RANBP17: variants seen among roughly 807,000 people sequenced by gnomAD.
The protein encoded by RANBP17 is ran-binding protein 17.
RANBP17 carries 158 observed loss-of-function variants against 141.2 expected under a neutral mutation model. The ratio of observed to expected loss-of-function variants is 1.12; its 90% CI spans 0.98 to 1.28. The LOEUF is 1.28. RANBP17 is among the 50% of genes most tolerant of loss of function. RANBP17 has a pLI of 0.00. For missense variants in RANBP17, 1,438 were observed against 1,290.7 expected (o/e 1.11, Z -1.75); for synonymous variants, 430 against 450.0 (o/e 0.96, Z 0.56).
intron 14 of RANBP17, among the ~76,000 whole-genome samples, chr5:171,002,211 G>T (rs1447473449): frequency 6.6e-6 from 1 of 152,146 alleles, no homozygotes; most frequent in Non-Finnish European, 1.5e-5. Flanking sequence ...AGGCTGGAAG[G>T]AGATATTTTC....
chr5:170,903,234 G>A (rs1420265374), intron 5 of RANBP17, among the ~76,000 whole-genome samples: 1 of 152,234 alleles, frequency 6.6e-6, no homozygotes, highest in East Asian at 1.9e-4. Flanking sequence ...TCTGGCTACC[G>A]TGGTGGGCTC....
intron 14 of RANBP17, among the ~76,000 whole-genome samples, chr5:171,074,334 C>A (rs1351426712): frequency 6.6e-6 from 1 of 152,018 alleles, no homozygotes; most frequent in Admixed American, 6.6e-5. Flanking sequence ...AAGGAAAAGT[C>A]TGAAAAGCTA....
intron 25 of RANBP17, among the ~76,000 whole-genome samples, chr5:171,266,165 C>T (rs1388274572): frequency 6.6e-6 from 1 of 152,132 alleles, no homozygotes; most frequent in East Asian, 1.9e-4. Context: ...GATTTCTCTC[C>T]TGGTGACTCT....
chr5:171,270,215 CA>C (rs1327164710), intron 25 of RANBP17, among the ~76,000 whole-genome samples: 1 of 152,130 alleles, frequency 6.6e-6, no homozygotes, highest in Non-Finnish European at 1.5e-5. Context: ...TTTAGAGCTT[CA>C]AAATTTTTAA....
rs375614280 is a variant in RANBP17, at chr5:171,288,617, C to A, written c.2944-5266C>A. 1.3e-3 allele frequency among the ~76,000 whole-genome samples: 200 copies of A among 152,314 alleles called. 9 individuals are homozygous for A. The South Asian group carries it at 0.04, about 30-fold the overall frequency. On this transcript the variant is annotated intron_variant, in intron 25 of 27. Coordinates refer to ENST00000523189, the MANE Select transcript of RANBP17 (RefSeq NM_022897.5). Reference sequence around the variant, plus strand: ...ATTTATTTGCCCAGAACCTCAGATCCTTAGTCTATAAAACGGGAATAATAT... The same window carrying A: ...ATTTATTTGCCCAGAACCTCAGATCATTAGTCTATAAAACGGGAATAATAT...
At chr5:171,118,469 T>G (rs1755798651) in intron 14 of RANBP17, among the ~76,000 whole-genome samples, 1 of 152,210 alleles carries the variant, frequency 6.6e-6, no homozygotes, top group Non-Finnish European at 1.5e-5. Flanking sequence ...GTGCACTGAC[T>G]ATAAATTGCT....
At chr5:171,218,379 G>A (rs770369951) in intron 21 of RANBP17, among the ~76,000 whole-genome samples, 11 of 152,158 alleles carry the variant, frequency 7.2e-5, no homozygotes, top group Non-Finnish European at 1.6e-4. Flanking sequence ...GATTTGGGGT[G>A]GAGAGTTCTG....
chr5:171,224,666 T>C (rs900112667), intron 22 of RANBP17, among the ~76,000 whole-genome samples: 1 of 151,994 alleles, frequency 6.6e-6, no homozygotes, highest in Non-Finnish European at 1.5e-5. Context: ...AATGAAGGGA[T>C]AGGAGAAGTG....
chr5:170,966,432 A>G (rs1483852852), intron 13 of RANBP17, among the ~76,000 whole-genome samples: 2 of 152,222 alleles, frequency 1.3e-5, no homozygotes, highest in African/African-American at 4.8e-5. Context: ...AACAGAACCA[A>G]AGACAAAAAC....
chr5:170,984,420 G>A (rs1031429649), intron 14 of RANBP17, among the ~76,000 whole-genome samples: 1 of 152,112 alleles, frequency 6.6e-6, no homozygotes. Flanking sequence ...AAGGCCAGAA[G>A]TTTGAGACCA....
intron 5 of RANBP17, among the ~76,000 whole-genome samples, chr5:170,905,355 C>T (rs1357182028): frequency 6.6e-6 from 1 of 152,102 alleles, no homozygotes; most frequent in Non-Finnish European, 1.5e-5. Flanking sequence ...CATGCATGTC[C>T]ATGCACACAT....
At chr5:171,204,927 T>C (rs1432833214) in intron 19 of RANBP17, among the ~76,000 whole-genome samples, 1 of 152,190 alleles carries the variant, frequency 6.6e-6, no homozygotes, top group African/African-American at 2.4e-5. Flanking sequence ...GTTTTAAAGC[T>C]GGGATTCAAA....
At chr5:171,024,716 T>G (rs1781117726) in intron 14 of RANBP17, among the ~76,000 whole-genome samples, 1 of 152,180 alleles carries the variant, frequency 6.6e-6, no homozygotes, top group Non-Finnish European at 1.5e-5. Flanking sequence ...TTCCTCAGCT[T>G]CTTTAGTCTA....
intron 14 of RANBP17, among the ~76,000 whole-genome samples, chr5:170,998,103 A>C (rs539670729): frequency 1.7e-3 from 260 of 152,134 alleles, no homozygotes; most frequent in African/African-American, 6.0e-3. Context: ...AAAAAAAAAA[A>C]AACCCTTTTT....
intron 14 of RANBP17, among the ~76,000 whole-genome samples, chr5:171,033,045 T>TTTCACC (rs1781648646): frequency 6.6e-6 from 1 of 151,870 alleles, no homozygotes; most frequent in Admixed American, 6.6e-5. Context: ...TAAAGATTTT[T>TTTCACC]TTCACCCCCA....
chr5:170,918,424 ACAC>A (rs200224505), intron 9 of RANBP17: 1 of 230,098 alleles, frequency 4.3e-6, no homozygotes, highest in Non-Finnish European at 8.4e-6. Flanking sequence ...ACACACACAC[ACAC>A]AACTTTTGTG....
intron 13 of RANBP17, among the ~76,000 whole-genome samples, 154 bp from the exon 14 acceptor site, chr5:170,968,088 T>C (rs1335580461): frequency 6.6e-6 from 1 of 151,908 alleles, no homozygotes; most frequent in East Asian, 1.9e-4. Flanking sequence ...AGTAGTAGGA[T>C]TTCAGATGAT....
chr5:171,083,118 G>T (rs1412492091), intron 14 of RANBP17, among the ~76,000 whole-genome samples: 2 of 152,042 alleles, frequency 1.3e-5, no homozygotes, highest in East Asian at 3.9e-4. Context: ...AATATCAAAG[G>T]AATTCCCTAG....
intron 25 of RANBP17, among the ~76,000 whole-genome samples, chr5:171,266,422 C>A (rs1289827217): frequency 1.3e-5 from 2 of 152,146 alleles, no homozygotes; most frequent in East Asian, 3.8e-4. Flanking sequence ...TTCTAACTAG[C>A]TAATGGGTTA....
Sources: gnomAD v4.1 joint callset for allele counts (sites outside exome capture counted in the v4.1 genomes callset) on GRCh38, gnomAD v4.1.1 for gene constraint, MANE v1.5 for transcripts, NCBI Gene and HGNC (gene_info 2026-07-23, HGNC 2026-07-21) for gene names.